Variants in SYT14 observed in about 807,000 individuals in gnomAD.
SYT14 encodes the protein synaptotagmin 14, also known as synaptotagmin-14.
SYT14 carries 32 observed loss-of-function variants against 74.2 expected under a neutral mutation model. That is an observed-to-expected ratio of 0.43 (90% confidence interval 0.33 to 0.58). SYT14 has a LOEUF of 0.58. SYT14 is among the 20% of genes least tolerant of loss of function. The probability of loss-of-function intolerance (pLI) is 0.05; values close to 1 mark genes in which losing one functional copy is unlikely to be tolerated. For missense variants in SYT14, 791 were observed against 981.8 expected, an observed-to-expected ratio of 0.81 and a Z score of 2.60; for synonymous variants, 298 against 337.7, an observed-to-expected ratio of 0.88 and a Z score of 1.29.
intron 5 of SYT14, among the ~76,000 whole-genome samples, chr1:210,072,020 A>G (rs1481999162): frequency 3.3e-5 from 5 of 151,714 alleles, no homozygotes; most frequent in African/African-American, 4.8e-5. Context: ...AGATTGTCAT[A>G]TTGGCTTATT....
intron 7 of SYT14, among the ~76,000 whole-genome samples, chr1:210,100,998 A>C (rs1406121585): frequency 3.3e-5 from 5 of 152,160 alleles, no homozygotes; most frequent in Non-Finnish European, 7.4e-5. Flanking sequence ...CTTTTTAAAC[A>C]GATTGTAAAG....
chr1:210,012,762 C>T (rs1383702777), intron 2 of SYT14, among the ~76,000 whole-genome samples: 2 of 150,258 alleles, frequency 1.3e-5, no homozygotes, highest in Non-Finnish European at 1.5e-5. Flanking sequence ...AGTGCAGTGG[C>T]GCGATCTCGG....
At chr1:210,150,841 T>C (rs1219253704) in intron 7 of SYT14, among the ~76,000 whole-genome samples, 1 of 152,204 alleles carries the variant, frequency 6.6e-6, no homozygotes, top group African/African-American at 2.4e-5. Flanking sequence ...AATTTAATAT[T>C]AATAAAAAGC....
intron 5 of SYT14, among the ~76,000 whole-genome samples, chr1:210,043,652 C>G (rs755119686): frequency 6.6e-6 from 1 of 152,072 alleles, no homozygotes; most frequent in Non-Finnish European, 1.5e-5. Flanking sequence ...GGATAGATTT[C>G]TGGGTTTTTG....
At chr1:210,030,435 T>C (rs968871250) in intron 5 of SYT14, among the ~76,000 whole-genome samples, 2 of 152,192 alleles carry the variant, frequency 1.3e-5, no homozygotes, top group African/African-American at 4.8e-5. Flanking sequence ...ATTATAGGTG[T>C]GAGCTACTGC....
At chr1:209,992,145 G>T (rs969445950) in intron 2 of SYT14, among the ~76,000 whole-genome samples, 11 of 151,812 alleles carry the variant, frequency 7.2e-5, no homozygotes, top group African/African-American at 1.2e-4. Flanking sequence ...ATTTTTTTTT[G>T]TTGTTGTTGT....
At chr1:210,112,771 G>A (rs2082287974) in intron 7 of SYT14, among the ~76,000 whole-genome samples, 1 of 151,346 alleles carries the variant, frequency 6.6e-6, no homozygotes, top group Non-Finnish European at 1.5e-5. Flanking sequence ...CCCTTGCGTA[G>A]TGAGGAAACT....
At chr1:209,959,770 G>A (rs2102707346) in intron 2 of SYT14, among the ~76,000 whole-genome samples, 1 of 152,294 alleles carries the variant, frequency 6.6e-6, no homozygotes. Flanking sequence ...AGGGCTAGGG[G>A]AGGGGAGAAT....
intron 5 of SYT14, among the ~76,000 whole-genome samples, chr1:210,035,372 T>C (rs1413143790): frequency 1.3e-5 from 2 of 152,030 alleles, no homozygotes; most frequent in African/African-American, 2.4e-5. Context: ...AAGTTGTCTG[T>C]TGACTGTGTT....
chr1:209,965,081 A>G, intron 2 of SYT14, among the ~76,000 whole-genome samples: 1 of 152,148 alleles, frequency 6.6e-6, no homozygotes, highest in East Asian at 1.9e-4. Context: ...GGCTATTTTA[A>G]AATAAAATTT....
chr1:210,062,537 TAGGC>T lies in SYT14; in HGVS notation c.1313-31781_1313-31778del, dbSNP rs200277014. Among the ~76,000 whole-genome samples the T allele has an allele frequency of 1.3e-3, 195 of 151,990 alleles. 3 individuals carry two copies. In the East Asian group the frequency reaches 0.034, roughly 26 times the overall value. On this transcript the variant is annotated intron_variant, in intron 5 of 9. Coordinates refer to ENST00000637265, the Ensembl canonical transcript of SYT14. Reference sequence around the variant, plus strand: ...TGTTTCTAACATATTTTTCAATAAATAGGCAGGAAGATTTGATGCTTGTTATACC... The same window carrying T: ...TGTTTCTAACATATTTTTCAATAAATAGGAAGATTTGATGCTTGTTATACC...
At chr1:209,962,385 TTTTC>T (rs1178775238) in intron 2 of SYT14, among the ~76,000 whole-genome samples, 1 of 151,974 alleles carries the variant, frequency 6.6e-6, no homozygotes, top group Admixed American at 6.6e-5. Flanking sequence ...TAAGCTTTTT[TTTTC>T]TTCTTTAACC....
At chr1:210,005,871 G>C (rs891063287) in intron 2 of SYT14, among the ~76,000 whole-genome samples, 1 of 151,502 alleles carries the variant, frequency 6.6e-6, no homozygotes, top group African/African-American at 2.4e-5. Context: ...TAAAAGTTTG[G>C]GTTTTCTTTT....
intron 2 of SYT14, among the ~76,000 whole-genome samples, chr1:210,011,960 G>T (rs2080093375): frequency 6.6e-6 from 1 of 152,150 alleles, no homozygotes; most frequent in Admixed American, 6.5e-5. Context: ...GACTGCCGAG[G>T]ACTGGAGAAG....
intron 5 of SYT14, among the ~76,000 whole-genome samples, chr1:210,054,219 T>C (rs952286040): frequency 2.0e-5 from 3 of 152,188 alleles, no homozygotes; most frequent in Non-Finnish European, 2.9e-5. Context: ...AGTTTGAATA[T>C]TCATCTCTTA....
intron 4 of SYT14, among the ~76,000 whole-genome samples, chr1:210,018,350 G>T (rs1355888902): frequency 6.6e-6 from 1 of 151,994 alleles, no homozygotes; most frequent in Non-Finnish European, 1.5e-5. Context: ...GCCCGGGATG[G>T]TCTCGGTCTC....
At chr1:209,976,114 C>G (rs1376264631) in intron 2 of SYT14, among the ~76,000 whole-genome samples, 1 of 152,018 alleles carries the variant, frequency 6.6e-6, no homozygotes, top group East Asian at 1.9e-4. Flanking sequence ...ATTAGTCTTG[C>G]TAGCGGTTTA....
intron 7 of SYT14, among the ~76,000 whole-genome samples, chr1:210,128,351 T>C (rs988688557): frequency 6.6e-6 from 1 of 151,152 alleles, no homozygotes; most frequent in African/African-American, 2.4e-5. Context: ...TACTCTAGTC[T>C]GGGTGACAGA....
At chr1:210,133,840 CTTT>C (rs11341932) in intron 7 of SYT14, among the ~76,000 whole-genome samples, 14 of 128,798 alleles carry the variant, frequency 1.1e-4, no homozygotes, top group Admixed American at 6.2e-4. Flanking sequence ...CTTATTTACT[CTTT>C]TTTTTTTTTT....
Sources: gnomAD v4.1 joint callset for allele counts (sites outside exome capture counted in the v4.1 genomes callset) on GRCh38, gnomAD v4.1.1 for gene constraint, MANE v1.5 for transcripts, NCBI Gene and HGNC (gene_info 2026-07-23, HGNC 2026-07-21) for gene names.